NCKAP1: variants seen among roughly 807,000 people sequenced by gnomAD.
NCKAP1 encodes NCK associated protein 1.
NCKAP1 carries 21 observed loss-of-function variants against 151.2 expected under a neutral mutation model. The ratio of observed to expected loss-of-function variants is 0.14; its 90% CI spans 0.10 to 0.20. The LOEUF is 0.20. NCKAP1 is among the 10% of genes least tolerant of loss of function. NCKAP1 has a pLI of 1.00. For missense variants in NCKAP1, 933 were observed against 1,352.1 expected (o/e 0.69, Z 4.86); for synonymous variants, 484 against 451.8 (o/e 1.07, Z -0.90).
In NCKAP1 at chr2:182,967,200, G is replaced by T. The variant is rs1479683886; in HGVS notation, c.1628+16C>A. ...TAAAACTTTCAAATCCAGATTTAGA[G>T]AAAATTACAACATACCAAAATATGG... On this transcript the variant is annotated intron_variant, in intron 16 of 30. Coordinates refer to ENST00000361354, the MANE Select transcript of NCKAP1 (RefSeq NM_013436.5). The T allele has an allele frequency of 6.3e-7, 1 of 1,586,416 alleles. No individual in the cohort carries two copies. The highest frequency in any genetic ancestry group is 8.5e-7 in the Non-Finnish European group (1 of 1,171,018).
chr2:182,968,611 C>G (rs1233053749), intron 15 of NCKAP1, among the ~76,000 whole-genome samples: 2 of 152,192 alleles, frequency 1.3e-5, no homozygotes, highest in South Asian at 2.1e-4. Flanking sequence ...TGTTCCTTAT[C>G]TGCAACACAA....
intron 23 of NCKAP1, chr2:182,947,029 C>T: frequency 6.6e-6 from 1 of 152,246 alleles, no homozygotes; most frequent in Non-Finnish European, 1.5e-5. Flanking sequence ...CCTCCTACCT[C>T]CACCCTGCAC....
At chr2:182,958,757 T>C (rs539889161) in intron 18 of NCKAP1, among the ~76,000 whole-genome samples, 2 of 152,254 alleles carry the variant, frequency 1.3e-5, no homozygotes, top group East Asian at 3.9e-4. Context: ...AAATAATTGA[T>C]TTCACTTGAC....
chr2:183,033,084 C>T (rs1176474770), intron 1 of NCKAP1, among the ~76,000 whole-genome samples: 2 of 152,114 alleles, frequency 1.3e-5, no homozygotes, highest in Non-Finnish European at 2.9e-5. Flanking sequence ...ACACACCTAA[C>T]CTACCTAACA....
rs116194389 is a variant in NCKAP1, at chr2:182,953,571, C to T, written c.2154-240G>A. 7.2e-3 allele frequency among the ~76,000 whole-genome samples: 1,090 copies of T among 152,212 alleles called. 13 individuals are homozygous for T. Among genetic ancestry groups the T allele is most frequent in the African/African-American group, 0.024 (989 of 41,540 alleles). The stretch of plus-strand genomic sequence containing the variant: ...ATCCCAGCATTTTGGGAGGACGAGG[C>T]GGGCAGATGACTTGAAGTCAGGAGT... On this transcript the variant is annotated intron_variant, in intron 20 of 30. Transcript: ENST00000361354.
intron 2 of NCKAP1, among the ~76,000 whole-genome samples, chr2:183,022,516 G>A (rs1052974367): frequency 1.3e-5 from 2 of 152,162 alleles, no homozygotes; most frequent in African/African-American, 4.8e-5. Context: ...GCTGCGCACA[G>A]CAGCTCATGT....
In NCKAP1 at chr2:182,914,126, C is replaced by CTTAAAT. The variant is rs1487626855; in HGVS notation, c.*11570_*11575dup. ...GGAACTCCCTTTAGCAGTATCTCCC[C>CTTAAAT]TTAAATGAAGTTATAGTTAGGGCAG... On this transcript the variant is annotated 3_prime_UTR_variant, in exon 31 of 31. Coordinates refer to ENST00000361354, the MANE Select transcript of NCKAP1 (RefSeq NM_013436.5). The CTTAAAT allele has an allele frequency of 6.6e-6, 1 of 152,146 alleles. No individual in the cohort carries two copies. The highest frequency in any genetic ancestry group is 1.5e-5 in the Non-Finnish European group (1 of 68,038). The allele number at this position is 152,146 out of a possible 1,614,324, so 9.4% of individuals were successfully genotyped here.
At chr2:183,034,849 T>C (rs1295725515) in intron 1 of NCKAP1, among the ~76,000 whole-genome samples, 1 of 152,158 alleles carries the variant, frequency 6.6e-6, no homozygotes, top group Non-Finnish European at 1.5e-5. Context: ...TAGACTTTAG[T>C]GTTCCTTTTA....
At chr2:182,932,243 T>G (rs192185571) in intron 26 of NCKAP1, among the ~76,000 whole-genome samples, 141 of 152,206 alleles carry the variant, frequency 9.3e-4, no homozygotes, top group African/African-American at 3.1e-3. Flanking sequence ...TTGATGTGAA[T>G]AAACAAAATG....
intron 26 of NCKAP1, among the ~76,000 whole-genome samples, chr2:182,931,112 T>C (rs1181769830): frequency 6.6e-6 from 1 of 152,104 alleles, no homozygotes; most frequent in East Asian, 1.9e-4. Context: ...GATGAATAAA[T>C]GAACAAAGTG....
rs150786413 is a variant in NCKAP1 at position 182,934,816 on chromosome 2, A to T, written c.2795T>A (p.Ile932Asn). 6.7e-7 allele frequency: 1 copy of T among 1,483,438 alleles called. No individual in the cohort carries two copies. The highest frequency in any genetic ancestry group is 2.3e-5 in the East Asian group (1 of 43,386). The allele number at this position is 1,483,438 out of a possible 1,614,324, so 91.9% of individuals were successfully genotyped here. A position where few individuals can be genotyped will look rare whatever the true frequency, so the allele number is the denominator to read the frequency against. The change falls in exon 26 of 31, where the codon ATT becomes AAT. Residue 932 changes from isoleucine (I) to asparagine (N), a missense_variant. Physicochemically the swap from Ile to Asn is moderately radical, Grantham distance 149. Around this residue, in one of 2 missense-constraint regions of NCKAP1, gnomAD observed 326 missense variants for 557.1 expected, o/e 0.59. Transcript: ENST00000361354. ...EALRDVLSYH[I>N]PFLVSSIEDF... ...TTCAATTGAACTTACAAGAAAAGGA[A>T]TGTGGTAGGATAAGACCTAGGCAGG... is the stretch of plus-strand genomic sequence containing the variant.
intron 18 of NCKAP1, among the ~76,000 whole-genome samples, chr2:182,960,427 G>A (rs550741450): frequency 5.3e-4 from 81 of 152,138 alleles, no homozygotes; most frequent in Middle Eastern, 3.4e-3. Flanking sequence ...AAATAATGCC[G>A]CATATCTACA....
chr2:182,951,486 C>T (rs974568706), intron 23 of NCKAP1, among the ~76,000 whole-genome samples: 97 of 151,450 alleles, frequency 6.4e-4, no homozygotes, highest in African/African-American at 1.1e-3. Context: ...CTGGCCAACA[C>T]GGTGAAACAC....
intron 1 of NCKAP1, among the ~76,000 whole-genome samples, chr2:183,032,921 G>A (rs577335941): frequency 1.3e-5 from 2 of 152,280 alleles, no homozygotes; most frequent in East Asian, 3.9e-4. Context: ...ATGGTGGCAT[G>A]TGCCTATAGT....
intron 1 of NCKAP1, among the ~76,000 whole-genome samples, chr2:183,036,199 A>C (rs2105903967): frequency 6.6e-6 from 1 of 152,330 alleles, no homozygotes; most frequent in South Asian, 2.1e-4. Flanking sequence ...AATTTCATTT[A>C]ATCTTATTTA....
rs762570599 is a variant in NCKAP1 at position 182,967,297 on chromosome 2, A to G, written c.1547T>C (p.Met516Thr). 6.2e-7 allele frequency: 1 copy of G among 1,612,236 alleles called. No homozygotes were observed. Residue 516 changes from methionine to threonine, a missense_variant, in exon 16 of 31, where the codon ATG becomes ACG. Around this residue, in one of 2 missense-constraint regions of NCKAP1, gnomAD observed 607 missense variants for 795.0 expected, o/e 0.76. Coordinates refer to ENST00000361354, the MANE Select transcript of NCKAP1 (RefSeq NM_013436.5). ...LADHRELGKM[M>T]NTIIFHTKMV... ...TTTTGTATGAAAAATTATTGTATTC[A>G]TCATCTTTCCAAGTTCTCTGTGATC...
At position 182,982,763 on chromosome 2, in the gene NCKAP1, T is replaced by C. The variant is rs149956797; in HGVS notation, c.1208+58A>G. 2.3e-5 allele frequency: 26 copies of C among 1,150,730 alleles called. No homozygotes were observed. In the South Asian group the frequency reaches 3.3e-4, roughly 15 times the overall value. The allele number at this position is 1,150,730 out of a possible 1,614,324, so 71.3% of individuals were successfully genotyped here. On this transcript the variant is annotated intron_variant, in intron 12 of 30. Coordinates refer to ENST00000361354, the MANE Select transcript of NCKAP1 (RefSeq NM_013436.5). ...ATAGGTCTATCAGGACATAACCCCA[T>C]TGTAAATCAAGAAGCATCTATATAC...
intron 6 of NCKAP1, among the ~76,000 whole-genome samples, chr2:183,000,398 G>C (rs867779669): frequency 6.6e-6 from 1 of 152,070 alleles, no homozygotes; most frequent in Non-Finnish European, 1.5e-5. Flanking sequence ...CAACACCTAA[G>C]TGGAGAAAGA....
At chr2:183,003,837 A>G (rs1377927770) in intron 2 of NCKAP1, among the ~76,000 whole-genome samples, 2 of 152,138 alleles carry the variant, frequency 1.3e-5, no homozygotes, top group Non-Finnish European at 2.9e-5. Context: ...AAACACAATA[A>G]TATATTAAAC....
Sources: allele counts gnomAD v4.1 joint callset (sites outside exome capture counted in the v4.1 genomes callset), GRCh38; gene constraint gnomAD v4.1.1; regional missense constraint gnomAD v4.1.1; transcripts MANE v1.5; gene names NCBI Gene and HGNC (gene_info 2026-07-23, HGNC 2026-07-21).